The following NT5DC4 variants were observed in gnomAD, a reference collection of about 807,000 sequenced individuals.
NT5DC4 encodes 5'-nucleotidase domain-containing protein 4.
NT5DC4 carries 44 observed loss-of-function variants against 26.6 expected under a neutral mutation model. The ratio of observed to expected loss-of-function variants is 1.65; its 90% confidence interval spans 1.30 to 2.13. NT5DC4 has a LOEUF of 2.13. Ranked by LOEUF, NT5DC4 falls within the 30% of genes most tolerant of loss-of-function variation. NT5DC4 has a pLI of 0.00. For missense variants in NT5DC4, 399 were observed against 228.1 expected (o/e 1.75, Z -4.83); for synonymous variants, 157 against 86.7 (o/e 1.81, Z -4.51).
chr2:112,719,902 CTT>C (rs1301944232), upstream of NT5DC4, among the ~76,000 whole-genome samples: 31 of 86,986 alleles, frequency 3.6e-4, no homozygotes, highest in African/African-American at 9.9e-4. Flanking sequence ...TTCTTTCTTT[CTT>C]TTTCTTTCTT....
At position 112,723,848 on chromosome 2, in the gene NT5DC4, C is replaced by G. The variant is rs572274510; in HGVS notation, c.756+46C>G. On this transcript the variant is annotated intron_variant, in intron 9 of 16. Coordinates refer to ENST00000688554, the MANE Select transcript of NT5DC4 (RefSeq NM_001393655.1). ...GTGGACCGTCGGCCTCCTTCCTGGC[C>G]CCAGGGGACACAGTGGCACTGCAAG... The G allele has an allele frequency of 6.3e-3, 4,521 of 715,250 alleles. 26 individuals are homozygous for G. Among genetic ancestry groups the G allele is most frequent in the Non-Finnish European group, 8.9e-3 (3,434 of 384,026 alleles). 44.3% of individuals were successfully genotyped at this position (715,250 alleles called of 1,614,324 possible).
Position 112,721,892 on chromosome 2 carries a change from G to T in NT5DC4, c.148+1G>T. On this transcript the variant is annotated splice_donor_variant, in intron 2 of 16. Transcript: ENST00000688554. LOFTEE classifies it high-confidence loss of function. Reference sequence around the variant, plus strand: ...TTCGACATGGACTACACTCTGGCTGGTAGAGAGGGCTGGAACACAGCGTAT... The same window carrying T: ...TTCGACATGGACTACACTCTGGCTGTTAGAGAGGGCTGGAACACAGCGTAT... The T allele has an allele frequency of 1.4e-6, 1 of 717,424 alleles. No individual in the cohort carries two copies. 44.4% of individuals were successfully genotyped at this position (717,424 alleles called of 1,614,324 possible). A position where few individuals can be genotyped will look rare whatever the true frequency, so the allele number is the denominator to read the frequency against.
chr2:112,737,800 A>G (rs1270565380), intron 16 of NT5DC4: 1 of 152,216 alleles, frequency 6.6e-6, no homozygotes, highest in Non-Finnish European at 1.5e-5. Context: ...GTATATCCTT[A>G]GACAAACTCC....
intron 7 of NT5DC4, 86 bp downstream of exon 7, chr2:112,723,260 C>T (rs150861176): frequency 0.014 from 9,635 of 713,642 alleles, 119 homozygotes; most frequent in Non-Finnish European, 0.015. Context: ...GTCCCCATAG[C>T]GTTTCCATCC....
intron 6 of NT5DC4, 103 bp downstream of exon 6, chr2:112,722,874 G>A: frequency 7.6e-6 from 1 of 131,588 alleles, no homozygotes; most frequent in Non-Finnish European, 1.7e-5. Context: ...GAGGCTGGAA[G>A]GGCTCCAGGA....
upstream of NT5DC4, among the ~76,000 whole-genome samples, chr2:112,718,962 G>A (rs976603524): frequency 3.3e-5 from 5 of 152,158 alleles, no homozygotes; most frequent in African/African-American, 1.2e-4. Flanking sequence ...CATCCGATGA[G>A]GAAACACATA....
chr2:112,734,169 A>ATG (rs59851361), intron 16 of NT5DC4, among the ~76,000 whole-genome samples: 4 of 134,786 alleles, frequency 3.0e-5, no homozygotes, highest in African/African-American at 1.1e-4. Flanking sequence ...TATTATATAT[A>ATG]TGTGTGTGTG....
In NT5DC4 at chr2:112,721,874, T is replaced by A; in HGVS notation, c.131T>A (p.Met44Lys). 1 of 717,372 alleles carries A rather than the reference T, an allele frequency of 1.4e-6. No homozygotes were observed. Among genetic ancestry groups the A allele is most frequent in the Non-Finnish European group, 2.6e-6 (1 of 385,090 alleles). 44.4% of individuals were successfully genotyped at this position (717,372 alleles called of 1,614,324 possible). Residue 44 changes from methionine to lysine, a missense_variant, in exon 2 of 17, where the codon ATG (methionine) becomes AAG (lysine). By Grantham distance (95) the Met-to-Lys change is moderately conservative. Transcript: ENST00000688554. ...LGKIRCFGFD[M>K]DYTLAAYKSP... ...AAGATTCGTTGCTTTGGCTTCGACA[T>A]GGACTACACTCTGGCTGGTAGAGAG... is the stretch of plus-strand genomic sequence containing the variant.
chr2:112,726,429 C>A (rs889344635), intron 14 of NT5DC4, 140 bp downstream of exon 14: 6 of 672,376 alleles, frequency 8.9e-6, no homozygotes, highest in African/African-American at 1.8e-5. Flanking sequence ...GCTTCCCTAG[C>A]AAACTGAATG....
At chr2:112,729,726 A>T (rs1678251974) in intron 16 of NT5DC4, 22 bp downstream of exon 16, 1 of 717,060 alleles carries the variant, frequency 1.4e-6, no homozygotes, top group African/African-American at 1.7e-5. Context: ...TGGCCGACGA[A>T]CTCTGTGGCT....
upstream of NT5DC4, among the ~76,000 whole-genome samples, chr2:112,720,573 TC>T (rs1676785701): frequency 1.3e-5 from 2 of 152,172 alleles, no homozygotes; most frequent in South Asian, 4.1e-4. Context: ...CATTCTGAGA[TC>T]CCAGTTATCT....
At position 112,723,942 on chromosome 2, in the gene NT5DC4, C is replaced by A. The variant is rs114111047; in HGVS notation, c.756+140C>A. The stretch of plus-strand genomic sequence containing the variant: ...CACCACTGGGCTGGTCTCCTGGACT[C>A]CATTTCTTGGCCTTTCAAGGCCTCA... On this transcript the variant is annotated intron_variant, in intron 9 of 16. Coordinates refer to ENST00000688554, the MANE Select transcript of NT5DC4 (RefSeq NM_001393655.1). 1.0e-3 allele frequency: 697 copies of A among 692,238 alleles called. 8 individuals are homozygous for A. In the African/African-American group the frequency reaches 0.011, roughly 11 times the overall value. 42.9% of individuals were successfully genotyped at this position (692,238 alleles called of 1,614,324 possible).
chr2:112,729,247 C>A (rs1415997821), intron 15 of NT5DC4, among the ~76,000 whole-genome samples: 1 of 152,162 alleles, frequency 6.6e-6, no homozygotes, highest in Admixed American at 6.5e-5. Flanking sequence ...CTCAGCCTCC[C>A]AAGTAGCTGG....
At chr2:112,738,611 T>C (rs551638582) in intron 16 of NT5DC4, 3 of 572,708 alleles carry the variant, frequency 5.2e-6, no homozygotes, top group Non-Finnish European at 9.3e-6. Context: ...TTATGTATAC[T>C]GTAAAACTGG....
rs889423554 is a variant in NT5DC4, at chr2:112,739,079, C to T, written c.*143C>T. ...AGACAGCAAGAGATGCATTAAAAAC[C>T]TTATCATTTAAAAAAATTATCTTTA... On this transcript the variant is annotated 3_prime_UTR_variant, in exon 17 of 17. Transcript: ENST00000688554. 1 of 1,494,318 alleles carries T rather than the reference C, an allele frequency of 6.7e-7. No individual in the cohort carries two copies. The highest frequency in any genetic ancestry group is 1.4e-5 in the African/African-American group (1 of 71,476). The allele number at this position is 1,494,318 out of a possible 1,614,324, so 92.6% of individuals were successfully genotyped here.
rs1052529 is a variant in NT5DC4, at chr2:112,738,554, A to T, written c.1345-359A>T. 0.015 allele frequency: 6,218 copies of T among 420,428 alleles called. 339 individuals are homozygous for T. The highest frequency in any genetic ancestry group is 0.11 in the African/African-American group (5,661 of 49,876). The allele number at this position is 420,428 out of a possible 1,614,324, so 26.0% of individuals were successfully genotyped here. A position where few individuals can be genotyped will look rare whatever the true frequency, so the allele number is the denominator to read the frequency against. On this transcript the variant is annotated intron_variant, in intron 16 of 16. Transcript: ENST00000688554. ...TGGGATTAAAGTAGATCAATAAAGT[A>T]TAAATATTTATCATAGTTGTAGGGT...
rs955208903 is a variant in NT5DC4 at position 112,737,399 on chromosome 2, CTTG to C, written c.1345-1511_1345-1509del. The C allele has an allele frequency of 4.6e-5, 7 of 152,280 alleles. 1 individual carries two copies. The highest frequency in any genetic ancestry group is 1.7e-4 in the African/African-American group (7 of 41,550). The allele number at this position is 152,280 out of a possible 1,614,324, so 9.4% of individuals were successfully genotyped here. A position where few individuals can be genotyped will look rare whatever the true frequency, so the allele number is the denominator to read the frequency against. On this transcript the variant is annotated intron_variant, in intron 16 of 16. Coordinates refer to ENST00000688554, the MANE Select transcript of NT5DC4 (RefSeq NM_001393655.1). Reference sequence around the variant, plus strand: ...AATCTCATCAACATTTATCTCATGTCTTGTTAATAGCCATTCTTATAGATGTGA... The same window carrying C: ...AATCTCATCAACATTTATCTCATGTCTTAATAGCCATTCTTATAGATGTGA...
intron 10 of NT5DC4, 22 bp downstream of exon 10, chr2:112,724,148 G>T (rs1677359440): frequency 1.4e-6 from 1 of 716,586 alleles, no homozygotes; most frequent in South Asian, 1.5e-5. Flanking sequence ...AGTGTTGCGT[G>T]CACGGCTGGG....
upstream of NT5DC4, among the ~76,000 whole-genome samples, chr2:112,719,944 T>TTTTTTC: frequency 9.2e-6 from 1 of 109,142 alleles, no homozygotes; most frequent in African/African-American, 3.9e-5. Context: ...CTTTCTTTCT[T>TTTTTTC]TCTTTCTTTC....
Sources: allele counts gnomAD v4.1 joint callset (sites outside exome capture counted in the v4.1 genomes callset), GRCh38; gene constraint gnomAD v4.1.1; transcripts MANE v1.5; gene names NCBI Gene and HGNC (gene_info 2026-07-23, HGNC 2026-07-21).